SP100: variants seen among roughly 807,000 people sequenced by gnomAD.
SP100 encodes SP100 nuclear body protein.
In SP100, 84 loss-of-function variants were observed where a neutral mutation model predicts 130.0. That is an observed-to-expected ratio of 0.65 (90% CI 0.54 to 0.77). The LOEUF (loss-of-function observed/expected upper bound fraction) is 0.77, where lower values mean the gene tolerates loss of function less well. Ranked by LOEUF, SP100 falls within the 30% of genes least tolerant of loss-of-function variation. The pLI, the probability that SP100 is intolerant of heterozygous loss-of-function variation, is 0.00. For missense variants in SP100, 978 were observed against 1,052.2 expected, an observed-to-expected ratio of 0.93 and a Z score of 0.97; for synonymous variants, 331 against 351.7, an observed-to-expected ratio of 0.94 and a Z score of 0.66.
rs1196457981 is a variant in SP100 at position 230,525,017 on chromosome 2, G to T, written c.2094+13851G>T. Reference sequence around the variant, plus strand: ...TATGAAACAAGGTAAAAAGGAACAAGTAAGTAAAGGAGAGAGGTGTAAAGA... The same window carrying T: ...TATGAAACAAGGTAAAAAGGAACAATTAAGTAAAGGAGAGAGGTGTAAAGA... On this transcript the variant is annotated intron_variant, in intron 24 of 28. Transcript: ENST00000340126. 8.5e-5 allele frequency among the ~76,000 whole-genome samples: 13 copies of T among 152,296 alleles called. 1 individual carries two copies. The highest frequency in any genetic ancestry group is 5.2e-4 in the Admixed American group (8 of 15,298).
At chr2:230,470,427 G>C (rs552456051) in intron 15 of SP100, 1 of 1,003,684 alleles carries the variant, frequency 1.0e-6, no homozygotes, top group African/African-American at 1.7e-5. Flanking sequence ...AGTGATAAAT[G>C]GGTTGACATC....
In SP100 at chr2:230,436,498, T is replaced by C. The variant is rs189676820; in HGVS notation, c.108-6439T>C. Among the ~76,000 whole-genome samples the C allele has an allele frequency of 1.9e-4, 29 of 152,292 alleles. No individual in the cohort carries two copies. The East Asian group carries it at 5.2e-3, about 27-fold the overall frequency. ...TGATGGTATAAGGGCCTCTTCCGCCTTCACCTGGCACTTCTCCTTCCTGCT... is the reference window on the plus strand; with the variant it reads ...TGATGGTATAAGGGCCTCTTCCGCCCTCACCTGGCACTTCTCCTTCCTGCT... On this transcript the variant is annotated intron_variant, in intron 2 of 28. Transcript: ENST00000340126.
chr2:230,532,182 C>A (rs73098989), intron 24 of SP100, among the ~76,000 whole-genome samples: 1 of 151,696 alleles, frequency 6.6e-6, no homozygotes, highest in Non-Finnish European at 1.5e-5. Context: ...TTACTTCTAA[C>A]GATCTAGAGA....
chr2:230,523,821 A>G (rs568231674), intron 24 of SP100, among the ~76,000 whole-genome samples: 1 of 152,232 alleles, frequency 6.6e-6, no homozygotes, highest in East Asian at 1.9e-4. Context: ...AGGCAGAAGA[A>G]TCGCTTGAAT....
chr2:230,449,676 A>G lies in SP100; in HGVS notation c.702A>G (p.Thr234=). 4.3e-6 allele frequency: 7 copies of G among 1,614,200 alleles called. No individual in the cohort carries two copies. The Middle Eastern group carries it at 4.9e-4, about 114-fold the overall frequency. The change falls in exon 7 of 29, where the codon ACA becomes ACG. Residue 234 remains threonine, a synonymous_variant. Coordinates refer to ENST00000340126, the MANE Select transcript of SP100 (RefSeq NM_001080391.2). ...ATGATTCGCTAGGAAGCCAACAAAC[A>G]AATGAACAATGTGCTCAAAAGGCTG... ...DKDDSLGSQQ[T]NEQCAQKAEP...
Position 230,540,946 on chromosome 2 carries a change from C to A in SP100, c.2281C>A (p.His761Asn). ...AAGATGCCCAGAAAGCCAATCAGGT[C>A]ATCAGGAATCTGAAGTCCTGATGAG... Reference protein sequence around the residue: ...QERCPESQSGHQESEVLMRQM... With the variant: ...QERCPESQSGNQESEVLMRQM... Residue 761 changes from histidine to asparagine, a missense_variant, in exon 26 of 29, where the codon CAT becomes AAT. Coordinates refer to ENST00000340126, the MANE Select transcript of SP100 (RefSeq NM_001080391.2). 1 of 1,613,648 alleles carries A rather than the reference C, an allele frequency of 6.2e-7. No homozygotes were observed. Among genetic ancestry groups the A allele is most frequent in the South Asian group, 1.1e-5 (1 of 90,966 alleles).
At position 230,461,429 on chromosome 2, in the gene SP100, GAGAGTTTGTA is replaced by G. The variant is rs763806706; in HGVS notation, c.973+17_973+26del. Reference sequence around the variant, plus strand: ...TGACATAATAGGTAAGGCTGACTGGGAGAGTTTGTAACTGTGAGTCACAGGTTACCAGGTA... The same window carrying G: ...TGACATAATAGGTAAGGCTGACTGGGACTGTGAGTCACAGGTTACCAGGTA... On this transcript the variant is annotated intron_variant, in intron 9 of 28. Transcript: ENST00000340126. 4.3e-6 allele frequency: 7 copies of G among 1,613,730 alleles called. No homozygotes were observed. Among genetic ancestry groups the G allele is most frequent in the Non-Finnish European group, 5.9e-6 (7 of 1,179,716 alleles).
chr2:230,484,486 T>C (rs556517080), intron 17 of SP100, among the ~76,000 whole-genome samples: 1 of 152,358 alleles, frequency 6.6e-6, no homozygotes, highest in African/African-American at 2.4e-5. Flanking sequence ...AGAACTCCCA[T>C]CTTTATGATG....
At chr2:230,520,094 A>G (rs1051993555) in intron 24 of SP100, among the ~76,000 whole-genome samples, 1 of 152,214 alleles carries the variant, frequency 6.6e-6, no homozygotes, top group Admixed American at 6.5e-5. Flanking sequence ...ATTATCTTAC[A>G]TGTCTCTGAT....
chr2:230,453,989 G>GACCA (rs1242265462), intron 8 of SP100, among the ~76,000 whole-genome samples: 1 of 152,062 alleles, frequency 6.6e-6, no homozygotes, highest in Non-Finnish European at 1.5e-5. Flanking sequence ...GGTCTGTTCA[G>GACCA]ATTTTCCTGT....
intron 24 of SP100, among the ~76,000 whole-genome samples, chr2:230,523,773 G>A (rs773738169): frequency 2.0e-5 from 3 of 151,902 alleles, no homozygotes; most frequent in Non-Finnish European, 4.4e-5. Context: ...GCTAGGCATG[G>A]TGGCGGGTGC....
intron 6 of SP100, chr2:230,449,352 C>G: frequency 1.3e-6 from 1 of 778,786 alleles, no homozygotes; most frequent in Non-Finnish European, 2.3e-6. Context: ...ACCCCTTAAT[C>G]ACACTTGCTG....
At chr2:230,454,486 T>C (rs2064170201) in intron 8 of SP100, among the ~76,000 whole-genome samples, 1 of 152,212 alleles carries the variant, frequency 6.6e-6, no homozygotes, top group Non-Finnish European at 1.5e-5. Context: ...TATGTTACAT[T>C]TCTATCTTCA....
intron 17 of SP100, among the ~76,000 whole-genome samples, chr2:230,483,814 T>C (rs1256463551): frequency 6.6e-6 from 1 of 152,218 alleles, no homozygotes; most frequent in African/African-American, 2.4e-5. Flanking sequence ...AACATAGACT[T>C]AGCAAATATT....
At chr2:230,483,778 T>C (rs1368512679) in intron 17 of SP100, among the ~76,000 whole-genome samples, 2 of 152,210 alleles carry the variant, frequency 1.3e-5, no homozygotes, top group Non-Finnish European at 2.9e-5. Flanking sequence ...TTATTCCTGA[T>C]AGTTATATTC....
intron 24 of SP100, chr2:230,537,983 GTGC>G: frequency 6.6e-6 from 1 of 152,428 alleles, no homozygotes; most frequent in Non-Finnish European, 1.5e-5. Flanking sequence ...CAAGTTCCAG[GTGC>G]TGCTGCTGCT....
At chr2:230,532,146 G>A (rs1691728292) in intron 24 of SP100, among the ~76,000 whole-genome samples, 2 of 151,960 alleles carry the variant, frequency 1.3e-5, no homozygotes, top group South Asian at 4.1e-4. Context: ...AGAGGACACC[G>A]ACCACTTAAA....
chr2:230,510,986 T>C lies in SP100; in HGVS notation c.2053-139T>C, dbSNP rs1352977379. 1.4e-5 allele frequency: 10 copies of C among 703,494 alleles called. No homozygotes were observed. The East Asian group carries it at 2.6e-4, about 19-fold the overall frequency. 43.6% of individuals were successfully genotyped at this position (703,494 alleles called of 1,614,324 possible). ...TGCTTTTTTATTCTTCAGTTAGATG[T>C]ACAGGTCCATAAAAGCAGACATGAA... On this transcript the variant is annotated intron_variant, in intron 23 of 28. Transcript: ENST00000340126.
intron 24 of SP100, among the ~76,000 whole-genome samples, chr2:230,537,274 T>G (rs907981402): frequency 6.6e-6 from 1 of 152,148 alleles, no homozygotes; most frequent in African/African-American, 2.4e-5. Context: ...AAAAATGCCA[T>G]GCAGCTGGAC....
Sources: gnomAD v4.1 joint callset for allele counts (sites outside exome capture counted in the v4.1 genomes callset) on GRCh38, gnomAD v4.1.1 for gene constraint, MANE v1.5 for transcripts, NCBI Gene and HGNC (gene_info 2026-07-23, HGNC 2026-07-21) for gene names.